The following NPNT variants were observed in gnomAD, a reference collection of about 807,000 sequenced individuals.
NPNT encodes preosteoblast EGF-like repeat protein with MAM domain.
NPNT carries 45 observed loss-of-function variants against 68.6 expected under a neutral mutation model. That is an observed-to-expected ratio of 0.66 (90% CI 0.52 to 0.84). NPNT has a LOEUF of 0.84. Ranked by LOEUF, NPNT falls within the 40% of genes least tolerant of loss-of-function variation. NPNT has a pLI of 0.00. For synonymous variants in NPNT, 233 were observed against 253.3 expected (o/e 0.92, Z 0.76); for missense variants, 672 against 714.8 (o/e 0.94, Z 0.68).
Position 105,942,386 on chromosome 4 carries a change from A to G in NPNT, c.843A>G (p.Thr281=), listed in dbSNP as rs1365937100. The G allele has an allele frequency of 6.2e-7, 1 of 1,613,712 alleles. No individual in the cohort carries two copies. The highest frequency in any genetic ancestry group is 1.7e-5 in the Admixed American group (1 of 59,936). Residue 281 remains threonine (T), a synonymous_variant, in exon 8 of 12, where the codon ACA becomes ACG. Coordinates refer to ENST00000379987, the MANE Select transcript of NPNT (RefSeq NM_001033047.3). ...KGNGTILKGD[T]GNNNWIPDVG... ...ATGGTACCATTTTAAAGGGTGACAC[A>G]GGAAATAATAATTGGATTCCTGATG...
chr4:105,905,025 C>T (rs757846998), intron 2 of NPNT, among the ~76,000 whole-genome samples: 33 of 151,854 alleles, frequency 2.2e-4, no homozygotes, highest in African/African-American at 6.0e-4. Context: ...CATGAGACAC[C>T]GCGCCCGGCC....
rs1374022954 is a variant in NPNT at position 105,970,923 on chromosome 4, C to T, written c.*1933C>T. On this transcript the variant is annotated 3_prime_UTR_variant, in exon 12 of 12. Transcript: ENST00000379987. Reference sequence around the variant, plus strand: ...ATGCTGAGCTCACTGAAATATCTCTCCCTTATGGCAATCCTAGCAGTATTA... The same window carrying T: ...ATGCTGAGCTCACTGAAATATCTCTTCCTTATGGCAATCCTAGCAGTATTA... 4 of 308,228 alleles carry T rather than the reference C, an allele frequency of 1.3e-5. No homozygotes were observed. The highest frequency in any genetic ancestry group is 2.6e-5 in the Non-Finnish European group (4 of 155,322). 19.1% of individuals were successfully genotyped at this position (308,228 alleles called of 1,614,324 possible).
chr4:105,939,435 G>A (rs954166839), intron 5 of NPNT, among the ~76,000 whole-genome samples: 3 of 152,176 alleles, frequency 2.0e-5, no homozygotes, highest in African/African-American at 7.2e-5. Flanking sequence ...AGATATAATG[G>A]GTGAAGTAGG....
chr4:105,906,974 C>T (rs1198977929), intron 2 of NPNT, among the ~76,000 whole-genome samples: 1 of 152,164 alleles, frequency 6.6e-6, no homozygotes, highest in Non-Finnish European at 1.5e-5. Context: ...TGGATATGGG[C>T]CAGTGAGCCC....
intron 3 of NPNT, among the ~76,000 whole-genome samples, chr4:105,929,329 A>T (rs2149357697): frequency 6.6e-6 from 1 of 152,348 alleles, no homozygotes; most frequent in Admixed American, 6.5e-5. Context: ...ATCAGATGAA[A>T]TCCACACTAG....
intron 2 of NPNT, among the ~76,000 whole-genome samples, chr4:105,920,178 A>C (rs186913377): frequency 6.6e-6 from 1 of 151,966 alleles, no homozygotes; most frequent in African/African-American, 2.4e-5. Flanking sequence ...AAATCTAGTC[A>C]GTGGAACTCC....
chr4:105,930,722 C>T lies in NPNT; in HGVS notation c.265+3294C>T, dbSNP rs551152177. ...CAAGTATTCACTGAGAATTTTGTAG[C>T]GAGTTATATACTTTAAGAAATAACC... On this transcript the variant is annotated intron_variant, in intron 3 of 11. Coordinates refer to ENST00000379987, the MANE Select transcript of NPNT (RefSeq NM_001033047.3). 7.2e-5 allele frequency among the ~76,000 whole-genome samples: 11 copies of T among 152,228 alleles called. No individual in the cohort carries two copies. The East Asian group carries it at 1.3e-3, about 19-fold the overall frequency.
intron 8 of NPNT, among the ~76,000 whole-genome samples, chr4:105,953,710 A>G (rs1257523225): frequency 1.3e-5 from 2 of 152,234 alleles, no homozygotes; most frequent in African/African-American, 4.8e-5. Context: ...CACCAGAAAC[A>G]GCCTTCAGAA....
At position 105,940,527 on chromosome 4, in the gene NPNT, CTCACTTGG is replaced by C. The variant is rs768547263; in HGVS notation, c.658_665del (p.Leu220ValfsTer11). 8.1e-6 allele frequency: 13 copies of C among 1,612,740 alleles called. No homozygotes were observed. Among genetic ancestry groups the C allele is most frequent in the Non-Finnish European group, 1.1e-5 (13 of 1,179,010 alleles). ...TTTCTGATGCAGACATAGACGAATG[CTCACTTGG>C]TCAGTATCAGTGCAGCAGCTTTGCT... is the stretch of plus-strand genomic sequence containing the variant. On this transcript the variant is annotated frameshift_variant, in exon 7 of 12. Coordinates refer to ENST00000379987, the MANE Select transcript of NPNT (RefSeq NM_001033047.3). LOFTEE classifies it high-confidence loss of function.
chr4:105,919,836 T>C (rs1354578989), intron 2 of NPNT, among the ~76,000 whole-genome samples: 1 of 152,106 alleles, frequency 6.6e-6, no homozygotes, highest in Non-Finnish European at 1.5e-5. Context: ...CAGATTTCTC[T>C]ACTGAAAGGC....
intron 4 of NPNT, 118 bp downstream of exon 4, chr4:105,937,246 GT>G: frequency 1.1e-6 from 1 of 940,498 alleles, no homozygotes; most frequent in Non-Finnish European, 1.6e-6. Context: ...GTGTGCGTGT[GT>G]TTATACTTTT....
chr4:105,958,754 G>T, intron 9 of NPNT, 197 bp downstream of exon 9: 2 of 519,424 alleles, frequency 3.9e-6, no homozygotes, highest in East Asian at 6.1e-5. Flanking sequence ...AAATTTTAAA[G>T]TAGTACTTAA....
chr4:105,921,267 G>T (rs1728241988), intron 2 of NPNT, among the ~76,000 whole-genome samples: 1 of 152,012 alleles, frequency 6.6e-6, no homozygotes, highest in African/African-American at 2.4e-5. Context: ...AAAAATGCTG[G>T]ACTTTCTGGT....
chr4:105,947,711 A>G (rs929308368), intron 8 of NPNT, among the ~76,000 whole-genome samples: 4 of 152,152 alleles, frequency 2.6e-5, no homozygotes, highest in Non-Finnish European at 5.9e-5. Flanking sequence ...ATCTTTTCTT[A>G]GAAATGCTTT....
intron 2 of NPNT, among the ~76,000 whole-genome samples, chr4:105,910,675 G>T (rs1364900215): frequency 6.6e-6 from 1 of 152,068 alleles, no homozygotes; most frequent in Non-Finnish European, 1.5e-5. Context: ...GCAGTTTTGT[G>T]TAGTTTTAAA....
intron 2 of NPNT, among the ~76,000 whole-genome samples, chr4:105,910,842 A>G (rs1727305017): frequency 6.6e-6 from 1 of 152,174 alleles, no homozygotes; most frequent in Admixed American, 6.6e-5. Flanking sequence ...AGGATAAAAT[A>G]GACTATACAA....
At chr4:105,927,309 A>G in intron 2 of NPNT, 27 bp from the exon 3 acceptor site, 3 of 1,474,918 alleles carry the variant, frequency 2.0e-6, no homozygotes, top group Non-Finnish European at 2.8e-6. Flanking sequence ...TGACCTAGAA[A>G]TAATGCATGC....
chr4:105,930,940 G>A (rs1442410758), intron 3 of NPNT, among the ~76,000 whole-genome samples: 1 of 152,074 alleles, frequency 6.6e-6, no homozygotes, highest in Non-Finnish European at 1.5e-5. Flanking sequence ...GTCATTTTCT[G>A]GATTTGTTAC....
At chr4:105,931,771 C>T (rs1269634507) in intron 3 of NPNT, among the ~76,000 whole-genome samples, 2 of 151,506 alleles carry the variant, frequency 1.3e-5, no homozygotes, top group South Asian at 4.2e-4. Context: ...ACGTGGGAGG[C>T]GGAGCTTGCA....
Sources: gnomAD v4.1 joint callset for allele counts (sites outside exome capture counted in the v4.1 genomes callset) on GRCh38, gnomAD v4.1.1 for gene constraint, MANE v1.5 for transcripts, NCBI Gene and HGNC (gene_info 2026-07-23, HGNC 2026-07-21) for gene names.